The following BCAS3 variants were observed in gnomAD, a reference collection of about 807,000 sequenced individuals.
The protein encoded by BCAS3 is BCAS4/BCAS3 fusion.
BCAS3 carries 53 observed loss-of-function variants against 116.1 expected under a neutral mutation model. The observed-to-expected ratio is 0.46, with a 90% CI of 0.37 to 0.57. The LOEUF (loss-of-function observed/expected upper bound fraction) is 0.57. BCAS3 is among the 20% of genes least tolerant of loss of function. The pLI, the probability that BCAS3 is intolerant of heterozygous loss-of-function variation, is 0.00. For synonymous variants in BCAS3, 391 were observed against 408.2 expected (o/e 0.96, Z 0.51); for missense variants, 917 against 1,165.4 (o/e 0.79, Z 3.10).
chr17:61,257,875 C>CA (rs1285720591), intron 22 of BCAS3, among the ~76,000 whole-genome samples: 1 of 152,186 alleles, frequency 6.6e-6, no homozygotes, highest in Non-Finnish European at 1.5e-5. Context: ...AATCCATAAA[C>CA]AGACATTTCC....
intron 22 of BCAS3, among the ~76,000 whole-genome samples, chr17:61,246,127 G>A (rs947620112): frequency 7.2e-5 from 11 of 152,034 alleles, no homozygotes; most frequent in African/African-American, 2.4e-4. Context: ...CAACTATCAC[G>A]ACCTCATAAC....
At chr17:61,236,125 C>T (rs1326594058) in intron 22 of BCAS3, among the ~76,000 whole-genome samples, 2 of 152,150 alleles carry the variant, frequency 1.3e-5, no homozygotes, top group African/African-American at 4.8e-5. Context: ...CTCAGTTTAA[C>T]TCCTTGGGTG....
chr17:61,334,672 A>AC (rs1568879021), intron 22 of BCAS3, among the ~76,000 whole-genome samples: 59 of 145,250 alleles, frequency 4.1e-4, no homozygotes, highest in Admixed American at 1.1e-3. Context: ...CTCAAAAAAA[A>AC]AAAAAAAAAA....
At chr17:61,146,289 G>C (rs112605073) in intron 22 of BCAS3, among the ~76,000 whole-genome samples, 3 of 139,516 alleles carry the variant, frequency 2.2e-5, no homozygotes, top group Non-Finnish European at 4.7e-5. Context: ...TTTTTTTTTT[G>C]GTGTTTTTTG....
intron 22 of BCAS3, among the ~76,000 whole-genome samples, chr17:61,297,476 G>A (rs867341299): frequency 2.0e-5 from 3 of 152,146 alleles, no homozygotes; most frequent in Non-Finnish European, 2.9e-5. Context: ...AAAACTCTCA[G>A]CATCCAAGAG....
intron 22 of BCAS3, among the ~76,000 whole-genome samples, chr17:61,299,416 C>T (rs2144734960): frequency 7.7e-6 from 1 of 130,714 alleles, no homozygotes; most frequent in South Asian, 2.4e-4. Context: ...GCACTCCAGC[C>T]TGGGTGACAG....
intron 6 of BCAS3, among the ~76,000 whole-genome samples, chr17:60,782,775 A>G (rs2045945452): frequency 6.6e-6 from 1 of 151,278 alleles, no homozygotes; most frequent in Admixed American, 6.6e-5. Context: ...TTTAGTAGAG[A>G]TGGGGCTTCA....
chr17:60,782,975 T>A (rs1460818074), intron 6 of BCAS3, among the ~76,000 whole-genome samples: 1 of 152,142 alleles, frequency 6.6e-6, no homozygotes, highest in African/African-American at 2.4e-5. Flanking sequence ...ATTTACATAT[T>A]TGTGTACATA....
At chr17:61,206,862 G>GT (rs1218031050) in intron 22 of BCAS3, among the ~76,000 whole-genome samples, 1 of 146,272 alleles carries the variant, frequency 6.8e-6, no homozygotes, top group Non-Finnish European at 1.5e-5. Context: ...GAATGTACCA[G>GT]TTTTTACTTT....
chr17:60,912,301 G>T (rs910674448), intron 12 of BCAS3, among the ~76,000 whole-genome samples: 1 of 152,034 alleles, frequency 6.6e-6, no homozygotes, highest in Non-Finnish European at 1.5e-5. Flanking sequence ...AGAGCACTAT[G>T]CTTAGAAACT....
Position 61,354,820 on chromosome 17 carries a change from T to G in BCAS3, c.2426-13507T>G, listed in dbSNP as rs567273615. On this transcript the variant is annotated intron_variant, in intron 22 of 23. Coordinates refer to ENST00000407086, the MANE Select transcript of BCAS3 (RefSeq NM_017679.5). The surrounding 1 kb of genome is among the most constrained non-coding windows in gnomAD (Gnocchi z 4.5). ...AACACCATTTTTAAAGCCCACATAGTTAGGAGACTACCAAAATAACAAAGC... is the reference window on the plus strand; with the variant it reads ...AACACCATTTTTAAAGCCCACATAGGTAGGAGACTACCAAAATAACAAAGC... The G allele has an allele frequency of 6.6e-6, 1 of 152,352 alleles. No individual in the cohort carries two copies. Among genetic ancestry groups the G allele is most frequent in the East Asian group, 1.9e-4 (1 of 5,180 alleles). 9.4% of individuals were successfully genotyped at this position (152,352 alleles called of 1,614,324 possible).
rs529612222 is a variant in BCAS3, at chr17:61,124,193, T to C, written c.2425+39629T>C. Reference sequence around the variant, plus strand: ...TTTATTTAACACCAATGGTTTCCTATTGGCTTCTTTAGCTGGAAAAATTAT... The same window carrying C: ...TTTATTTAACACCAATGGTTTCCTACTGGCTTCTTTAGCTGGAAAAATTAT... On this transcript the variant is annotated intron_variant, in intron 22 of 23. Transcript: ENST00000407086. The surrounding 1 kb of genome is among the most constrained non-coding windows in gnomAD (Gnocchi z 4.6). Among the ~76,000 whole-genome samples the C allele has an allele frequency of 4.4e-4, 67 of 152,298 alleles. No individual in the cohort carries two copies. The South Asian group carries it at 0.013, about 30-fold the overall frequency.
chr17:61,099,721 T>C (rs2074206745), intron 22 of BCAS3, among the ~76,000 whole-genome samples: 1 of 152,226 alleles, frequency 6.6e-6, no homozygotes, highest in African/African-American at 2.4e-5. Context: ...AAGTCTTGCT[T>C]TCTGGAATCT....
intron 1 of BCAS3, among the ~76,000 whole-genome samples, chr17:60,678,544 A>G (rs1027549090): frequency 6.6e-6 from 1 of 152,208 alleles, no homozygotes; most frequent in Admixed American, 6.5e-5. Context: ...TTCTAGGATC[A>G]GGATTTACTG....
intron 7 of BCAS3, among the ~76,000 whole-genome samples, chr17:60,837,002 G>A (rs2051424679): frequency 6.6e-6 from 1 of 152,152 alleles, no homozygotes; most frequent in Non-Finnish European, 1.5e-5. Context: ...TAGGGAAGAT[G>A]ATACTTAAAA....
intron 14 of BCAS3, among the ~76,000 whole-genome samples, chr17:60,963,763 G>T (rs9897173): frequency 6.6e-6 from 1 of 152,108 alleles, no homozygotes; most frequent in Non-Finnish European, 1.5e-5. Flanking sequence ...CACTGTGTTA[G>T]CCAGGATGGT....
At chr17:61,036,748 G>A (rs1346518833) in intron 17 of BCAS3, among the ~76,000 whole-genome samples, 1 of 152,144 alleles carries the variant, frequency 6.6e-6, no homozygotes, top group East Asian at 1.9e-4. Flanking sequence ...GGGTACATGT[G>A]TATTCCTTAT....
At chr17:60,914,827 A>G (rs917440661) in intron 12 of BCAS3, among the ~76,000 whole-genome samples, 2 of 152,136 alleles carry the variant, frequency 1.3e-5, no homozygotes, top group South Asian at 2.1e-4. Flanking sequence ...ATAACATACG[A>G]AATATGTGTT....
chr17:61,315,724 G>T lies in BCAS3; in HGVS notation c.2426-52603G>T, dbSNP rs1314759302. ...CCCCCGTTTCATGCCCCACGCCTTT[G>T]CTGGTACTGGTCCCTGAGATGTCCC... On this transcript the variant is annotated intron_variant, in intron 22 of 23. Coordinates refer to ENST00000407086, the MANE Select transcript of BCAS3 (RefSeq NM_017679.5). The surrounding 1 kb of genome is among the most constrained non-coding windows in gnomAD (Gnocchi z 5.3). 1.3e-5 allele frequency among the ~76,000 whole-genome samples: 2 copies of T among 152,012 alleles called. No individual in the cohort carries two copies. Among genetic ancestry groups the T allele is most frequent in the East Asian group, 3.9e-4 (2 of 5,170 alleles).
Sources: allele counts gnomAD v4.1 joint callset (sites outside exome capture counted in the v4.1 genomes callset), GRCh38; gene constraint gnomAD v4.1.1; non-coding constraint Gnocchi (gnomAD v3.1); transcripts MANE v1.5; gene names NCBI Gene and HGNC (gene_info 2026-07-23, HGNC 2026-07-21).